The following TACR3 variants were observed in gnomAD, a reference collection of about 807,000 sequenced individuals.
TACR3 encodes the protein tachykinin receptor 3, also known as neuromedin-K receptor.
TACR3 carries 34 observed loss-of-function variants against 35.0 expected under a neutral mutation model. The ratio of observed to expected loss-of-function variants is 0.97; its 90% confidence interval spans 0.74 to 1.30. TACR3 has a LOEUF of 1.30. Among genes scored for constraint, TACR3 ranks in the 50% most tolerant of loss-of-function variants. The probability of loss-of-function intolerance (pLI) is 0.00; values close to 1 mark genes in which losing one functional copy is unlikely to be tolerated. For missense variants in TACR3, 558 were observed against 591.7 expected (o/e 0.94, Z 0.59); for synonymous variants, 233 against 221.1 (o/e 1.05, Z -0.48).
At chr4:103,619,516 C>G (rs1224767859) in intron 3 of TACR3, among the ~76,000 whole-genome samples, 14 of 152,080 alleles carry the variant, frequency 9.2e-5, no homozygotes, top group Non-Finnish European at 1.2e-4. Flanking sequence ...TTATTTCCTT[C>G]TTTTGCCTGA....
At chr4:103,642,075 TA>T in intron 3 of TACR3, among the ~76,000 whole-genome samples, 1 of 151,934 alleles carries the variant, frequency 6.6e-6, no homozygotes, top group East Asian at 1.9e-4. Context: ...CTATAGTTAA[TA>T]ACAATGTATT....
At chr4:103,636,627 CA>C (rs1725198149) in intron 3 of TACR3, among the ~76,000 whole-genome samples, 1 of 151,918 alleles carries the variant, frequency 6.6e-6, no homozygotes, top group Non-Finnish European at 1.5e-5. Context: ...AAAAACCCTT[CA>C]AAAGATTAAT....
chr4:103,699,739 G>A lies in TACR3; in HGVS notation c.548+19389C>T, dbSNP rs1722603347. Reference sequence around the variant, plus strand: ...TGGATATGTATGAAAGATGAGATGAGCCAAGGATGCTTCCTGGAGTTTTGA... The same window carrying A: ...TGGATATGTATGAAAGATGAGATGAACCAAGGATGCTTCCTGGAGTTTTGA... On this transcript the variant is annotated intron_variant, in intron 1 of 4. Transcript: ENST00000304883. Among the ~76,000 whole-genome samples, 4 of 152,072 alleles carry A rather than the reference G, an allele frequency of 2.6e-5. No individual in the cohort carries two copies. The South Asian group carries it at 8.3e-4, about 31-fold the overall frequency.
At chr4:103,708,948 T>C (rs1302285825) in intron 1 of TACR3, among the ~76,000 whole-genome samples, 1 of 151,774 alleles carries the variant, frequency 6.6e-6, no homozygotes, top group East Asian at 1.9e-4. Flanking sequence ...AGAAGAGAAG[T>C]TTAGAGAAAA....
intron 3 of TACR3, among the ~76,000 whole-genome samples, chr4:103,598,318 A>G (rs1169653870): frequency 6.6e-6 from 1 of 151,898 alleles, no homozygotes; most frequent in Non-Finnish European, 1.5e-5. Flanking sequence ...TTTTCTTGTA[A>G]ATTTGTTTGA....
rs1368821365 is a variant in TACR3 at position 103,591,533 on chromosome 4, T to A, written c.1039A>T (p.Ser347Cys). ...ATGATGGGATTGTACATGGTTGAGC[T>A]CATTGCCAGCCAAAAGCTAGCCAGG... ...VYLASFWLAM[S>C]STMYNPIIYC... Residue 347 changes from serine to cysteine, a missense_variant, in exon 4 of 5, where the codon AGC becomes TGC. Coordinates refer to ENST00000304883, the MANE Select transcript of TACR3 (RefSeq NM_001059.3). The A allele has an allele frequency of 6.2e-7, 1 of 1,613,926 alleles. No homozygotes were observed. The highest frequency in any genetic ancestry group is 1.7e-5 in the Admixed American group (1 of 60,004).
chr4:103,640,749 T>A (rs1391845935), intron 3 of TACR3, among the ~76,000 whole-genome samples: 1 of 143,896 alleles, frequency 6.9e-6, no homozygotes, highest in African/African-American at 2.5e-5. Flanking sequence ...TTTTTTACGA[T>A]TTTTTTTCTT....
chr4:103,626,339 A>C (rs1724889659), intron 3 of TACR3, among the ~76,000 whole-genome samples: 1 of 152,070 alleles, frequency 6.6e-6, no homozygotes, highest in South Asian at 2.1e-4. Flanking sequence ...GTCATATGTC[A>C]CCTCTGGATC....
intron 3 of TACR3, among the ~76,000 whole-genome samples, chr4:103,646,200 G>A (rs1032166694): frequency 5.3e-5 from 8 of 151,986 alleles, no homozygotes; most frequent in African/African-American, 1.7e-4. Context: ...CAACACAAGC[G>A]GAGGTTTGGC....
chr4:103,694,749 A>T (rs1018081483), intron 1 of TACR3, among the ~76,000 whole-genome samples: 1 of 152,192 alleles, frequency 6.6e-6, no homozygotes, highest in African/African-American at 2.4e-5. Flanking sequence ...TGTAAACACT[A>T]ACCAGAATAA....
At chr4:103,686,855 C>T (rs1220976437) in intron 1 of TACR3, among the ~76,000 whole-genome samples, 2 of 151,984 alleles carry the variant, frequency 1.3e-5, no homozygotes, top group African/African-American at 4.8e-5. Context: ...GAAACTATTC[C>T]AATCAATAGA....
intron 1 of TACR3, among the ~76,000 whole-genome samples, chr4:103,669,596 G>A (rs1215286778): frequency 6.6e-6 from 1 of 151,992 alleles, no homozygotes; most frequent in African/African-American, 2.4e-5. Flanking sequence ...GATGATTAGT[G>A]ATTCTGAGCA....
intron 3 of TACR3, among the ~76,000 whole-genome samples, chr4:103,642,843 A>T (rs1725384933): frequency 6.6e-6 from 1 of 151,876 alleles, no homozygotes; most frequent in African/African-American, 2.4e-5. Context: ...ATAAAGGTAT[A>T]ATAATTTTTG....
intron 3 of TACR3, among the ~76,000 whole-genome samples, chr4:103,611,052 G>A (rs1435099677): frequency 6.6e-6 from 1 of 152,120 alleles, no homozygotes; most frequent in Non-Finnish European, 1.5e-5. Flanking sequence ...AGGTCGGGTA[G>A]TGTAATGCCT....
At chr4:103,600,553 G>T (rs1229786810) in intron 3 of TACR3, among the ~76,000 whole-genome samples, 1 of 152,092 alleles carries the variant, frequency 6.6e-6, no homozygotes, top group African/African-American at 2.4e-5. Context: ...TGTGATGTTA[G>T]GGTGTCAATT....
chr4:103,679,878 A>C (rs1321035784), intron 1 of TACR3, among the ~76,000 whole-genome samples: 3 of 151,958 alleles, frequency 2.0e-5, no homozygotes, highest in Non-Finnish European at 4.4e-5. Context: ...CATAGAATGC[A>C]GAAGCTGGGG....
At chr4:103,656,063 T>C in intron 3 of TACR3, 131 bp downstream of exon 3, 1 of 1,177,406 alleles carries the variant, frequency 8.5e-7, no homozygotes, top group Non-Finnish European at 1.2e-6. Context: ...AGAAAAAAAA[T>C]TAAAACAAAG....
At chr4:103,707,768 C>A (rs1288588169) in intron 1 of TACR3, among the ~76,000 whole-genome samples, 1 of 152,126 alleles carries the variant, frequency 6.6e-6, no homozygotes, top group Admixed American at 6.5e-5. Flanking sequence ...GAAGCTGTGA[C>A]AGACGGCACA....
chr4:103,613,000 T>A (rs1017122794), intron 3 of TACR3, among the ~76,000 whole-genome samples: 1 of 152,208 alleles, frequency 6.6e-6, no homozygotes, highest in Non-Finnish European at 1.5e-5. Context: ...TTAAACATCA[T>A]ATGGGCTTCT....
Sources: gnomAD v4.1 joint callset for allele counts (sites outside exome capture counted in the v4.1 genomes callset) on GRCh38, gnomAD v4.1.1 for gene constraint, MANE v1.5 for transcripts, NCBI Gene and HGNC (gene_info 2026-07-23, HGNC 2026-07-21) for gene names.